AQR: variants seen among roughly 807,000 people sequenced by gnomAD.
The protein encoded by AQR is aquarius intron-binding spliceosomal factor.
A neutral mutation model predicts 180.5 loss-of-function variants in AQR; 61 were observed. The observed-to-expected ratio is 0.34, with a 90% CI of 0.28 to 0.42. The LOEUF (loss-of-function observed/expected upper bound fraction) is 0.42. Among genes scored for constraint, AQR ranks in the 10% least tolerant of loss-of-function variants. AQR has a pLI of 1.00. For synonymous variants in AQR, 551 were observed against 588.8 expected (o/e 0.94, Z 0.93); for missense variants, 1,281 against 1,798.3 (o/e 0.71, Z 5.20).
intron 27 of AQR, among the ~76,000 whole-genome samples, chr15:34,881,729 C>T (rs1037694279): frequency 6.6e-6 from 1 of 152,080 alleles, no homozygotes; most frequent in Non-Finnish European, 1.5e-5. Flanking sequence ...ACACAAATAA[C>T]TGGAATGGTT....
chr15:34,858,635 C>A (rs1049858339), intron 34 of AQR, among the ~76,000 whole-genome samples: 1 of 152,066 alleles, frequency 6.6e-6, no homozygotes, highest in African/African-American at 2.4e-5. Context: ...ATAGCTAAGA[C>A]AATTTCTAAA....
In AQR at chr15:34,948,365, G is replaced by C. The variant is rs755960046; in HGVS notation, c.229C>G (p.Leu77Val). The C allele has an allele frequency of 6.2e-7, 1 of 1,612,632 alleles. No homozygotes were observed. The highest frequency in any genetic ancestry group is 8.5e-7 in the Non-Finnish European group (1 of 1,179,850). The stretch of plus-strand genomic sequence containing the variant: ...ACCTCAGGAGAATAATTCATCCAGA[G>C]ATAATTTTCAAGATACTGGCTGTAA... ...LEFSQYLENY[L>V]WMNYSPEVSS... Residue 77 changes from leucine to valine, a missense_variant, in exon 5 of 35, where the codon CTC becomes GTC. Leu to Val is a conservative substitution (Grantham distance 32). This residue lies in a region of AQR where 404 missense variants were observed against 490.9 expected (regional missense o/e 0.82). Transcript: ENST00000156471.
At position 34,852,300 on chromosome 15, in the gene AQR, A is replaced by C. The variant is rs1484492274; in HGVS notation, c.*4492T>G. Reference sequence around the variant, plus strand: ...ATTCTCCTGCCTCAGCCTCCACAGTAGCTAGGACTACAGGTGCCTGCCACC... The same window carrying C: ...ATTCTCCTGCCTCAGCCTCCACAGTCGCTAGGACTACAGGTGCCTGCCACC... On this transcript the variant is annotated 3_prime_UTR_variant, in exon 35 of 35. Transcript: ENST00000156471. 7 of 151,928 alleles carry C rather than the reference A, an allele frequency of 4.6e-5. No homozygotes were observed. The highest frequency in any genetic ancestry group is 1.5e-4 in the African/African-American group (6 of 41,282). The allele number at this position is 151,928 out of a possible 1,614,324, so 9.4% of individuals were successfully genotyped here.
intron 8 of AQR, among the ~76,000 whole-genome samples, chr15:34,940,494 C>T (rs1232373700): frequency 6.6e-5 from 10 of 152,228 alleles, no homozygotes; most frequent in Admixed American, 2.6e-4. Flanking sequence ...CGCACTATTG[C>T]ACTCCAGCCT....
intron 27 of AQR, among the ~76,000 whole-genome samples, chr15:34,878,481 A>T (rs2140465064): frequency 6.6e-6 from 1 of 152,042 alleles, no homozygotes; most frequent in Middle Eastern, 3.4e-3. Context: ...AATTTTGTAC[A>T]TTGTAAACAC....
rs368535176 is a variant in AQR at position 34,900,594 on chromosome 15, A to C, written c.2243+28T>G. Reference sequence around the variant, plus strand: ...ACGTACATTGACTACAGAATGCTGGAGAGGAGCGTACCCAGTTCTGACTTT... The same window carrying C: ...ACGTACATTGACTACAGAATGCTGGCGAGGAGCGTACCCAGTTCTGACTTT... On this transcript the variant is annotated intron_variant, in intron 20 of 34. Coordinates refer to ENST00000156471, the MANE Select transcript of AQR (RefSeq NM_014691.3). 19 of 1,603,126 alleles carry C rather than the reference A, an allele frequency of 1.2e-5. No homozygotes were observed. In the Middle Eastern group the frequency reaches 8.3e-4, roughly 70 times the overall value.
intron 1 of AQR, among the ~76,000 whole-genome samples, chr15:34,968,490 C>T (rs1021088329): frequency 2.7e-5 from 4 of 150,626 alleles, no homozygotes; most frequent in Non-Finnish European, 1.5e-5. Context: ...GATCTCCTGA[C>T]CTCGTGATCC....
intron 32 of AQR, among the ~76,000 whole-genome samples, chr15:34,864,208 CTA>C (rs1892712303): frequency 6.6e-6 from 1 of 152,068 alleles, no homozygotes; most frequent in South Asian, 2.1e-4. Context: ...TTAAAATCAT[CTA>C]GTTTCCTTAA....
rs1892523735 is a variant in AQR, at chr15:34,852,197, GTT to G, written c.*4593_*4594del. The G allele has an allele frequency of 6.7e-6, 1 of 148,444 alleles. No individual in the cohort carries two copies. The highest frequency in any genetic ancestry group is 6.7e-5 in the Admixed American group (1 of 14,996). The allele number at this position is 148,444 out of a possible 1,614,324, so 9.2% of individuals were successfully genotyped here. A position where few individuals can be genotyped will look rare whatever the true frequency, so the allele number is the denominator to read the frequency against. On this transcript the variant is annotated 3_prime_UTR_variant, in exon 35 of 35. Coordinates refer to ENST00000156471, the MANE Select transcript of AQR (RefSeq NM_014691.3). ...ATGTTTTTTTTTTTTTTTTGAAGGA[GTT>G]TTTGCTCGTCGCCCAGGCTGGAGTA...
chr15:34,966,574 C>T (rs2050310601), intron 1 of AQR, among the ~76,000 whole-genome samples: 2 of 152,202 alleles, frequency 1.3e-5, no homozygotes, highest in African/African-American at 2.4e-5. Context: ...CTCTTAAAGT[C>T]TCCTTCCACA....
intron 9 of AQR, among the ~76,000 whole-genome samples, chr15:34,936,624 G>A (rs574690637): frequency 6.6e-6 from 1 of 151,952 alleles, no homozygotes. Flanking sequence ...GCTGAGGCAG[G>A]AGAATCACTT....
At chr15:34,949,792 A>AT (rs1181871504) in intron 4 of AQR, among the ~76,000 whole-genome samples, 2 of 140,148 alleles carry the variant, frequency 1.4e-5, no homozygotes, top group East Asian at 4.3e-4. Flanking sequence ...CCTTATCTCT[A>AT]TTAAAAAAAA....
chr15:34,922,625 C>A (rs182847945), intron 13 of AQR, among the ~76,000 whole-genome samples: 1 of 152,110 alleles, frequency 6.6e-6, no homozygotes, highest in East Asian at 1.9e-4. Context: ...CAAGATATAG[C>A]TCACTGCGGC....
chr15:34,909,144 A>C (rs1893461098), intron 17 of AQR, among the ~76,000 whole-genome samples: 1 of 152,212 alleles, frequency 6.6e-6, no homozygotes, highest in Admixed American at 6.5e-5. Context: ...CCATGATTAT[A>C]AACAGCTACA....
At chr15:34,874,937 T>G (rs1892870775) in intron 28 of AQR, 73 bp from the exon 29 acceptor site, 2 of 1,350,198 alleles carry the variant, frequency 1.5e-6, no homozygotes, top group African/African-American at 3.0e-5. Context: ...CCCGAGAGAC[T>G]CAGTCTTCAT....
intron 16 of AQR, 63 bp downstream of exon 16, chr15:34,914,975 C>G: frequency 4.0e-6 from 6 of 1,486,572 alleles, no homozygotes; most frequent in Non-Finnish European, 5.4e-6. Context: ...TATAAGGTTT[C>G]TGACAGAAGT....
rs746744657 is a variant in AQR at position 34,852,495 on chromosome 15, A to G, written c.*4297T>C. On this transcript the variant is annotated 3_prime_UTR_variant, in exon 35 of 35. Coordinates refer to ENST00000156471, the MANE Select transcript of AQR (RefSeq NM_014691.3). Reference sequence around the variant, plus strand: ...TCGTGTTCTAAGGAAATAGCTACCTAAGGTATCTTATTAAAACAAATGAAC... The same window carrying G: ...TCGTGTTCTAAGGAAATAGCTACCTGAGGTATCTTATTAAAACAAATGAAC... 3.3e-5 allele frequency: 5 copies of G among 152,292 alleles called. No individual in the cohort carries two copies. The highest frequency in any genetic ancestry group is 3.4e-3 in the Middle Eastern group (1 of 294). 9.4% of individuals were successfully genotyped at this position (152,292 alleles called of 1,614,324 possible).
Position 34,897,699 on chromosome 15 carries a change from A to C in AQR, c.2250T>G (p.Thr750=). The change falls in exon 21 of 35, where the codon ACT becomes ACG. Residue 750 remains threonine (T), a synonymous_variant. Transcript: ENST00000156471. ...TCCCTTTTCCACTTCTTACTGGAAA[A>C]GTTATCCTACAAGACCAAAACTTCT... ...PALQIPPFRI[T]FPVRSGKGKK... is the part of the protein sequence containing the mutation. The C allele has an allele frequency of 6.2e-7, 1 of 1,613,776 alleles. No homozygotes were observed. The highest frequency in any genetic ancestry group is 8.5e-7 in the Non-Finnish European group (1 of 1,179,870).
rs572415790 is a variant in AQR, at chr15:34,915,906, C to G, written c.1343-727G>C. ...GGTTGCAGGAAGCCAAGATCATGTCCTTGCACTCCAGCCTGGGCAACAAGA... is the reference window on the plus strand; with the variant it reads ...GGTTGCAGGAAGCCAAGATCATGTCGTTGCACTCCAGCCTGGGCAACAAGA... On this transcript the variant is annotated intron_variant, in intron 15 of 34. Transcript: ENST00000156471. Among the ~76,000 whole-genome samples the G allele has an allele frequency of 3.3e-5, 5 of 151,732 alleles. No individual in the cohort carries two copies. In the South Asian group the frequency reaches 8.4e-4, roughly 25 times the overall value.
Sources: allele counts gnomAD v4.1 joint callset (sites outside exome capture counted in the v4.1 genomes callset), GRCh38; gene constraint gnomAD v4.1.1; regional missense constraint gnomAD v4.1.1; transcripts MANE v1.5; gene names NCBI Gene and HGNC (gene_info 2026-07-23, HGNC 2026-07-21).